The following SATB2 variants were observed in gnomAD, a reference collection of about 807,000 sequenced individuals.
The protein encoded by SATB2 is DNA-binding protein SATB2.
In SATB2, 1 loss-of-function variant was observed where a neutral mutation model predicts 73.4. That is an observed-to-expected ratio of 0.01 (90% CI 0.00 to 0.06). The LOEUF (loss-of-function observed/expected upper bound fraction) is 0.06. Ranked by LOEUF, SATB2 falls within the 10% of genes least tolerant of loss-of-function variation. The probability of loss-of-function intolerance (pLI) is 1.00; values close to 1 mark genes in which losing one functional copy is unlikely to be tolerated. For synonymous variants in SATB2, 397 were observed against 367.0 expected (o/e 1.08, Z -0.93); for missense variants, 459 against 945.8 (o/e 0.49, Z 6.75).
chr2:199,327,396 ACAC>A (rs1483379107), intron 8 of SATB2, among the ~76,000 whole-genome samples: 3 of 152,150 alleles, frequency 2.0e-5, no homozygotes, highest in Non-Finnish European at 4.4e-5. Context: ...AGCCATGATC[ACAC>A]CACTGCACTC....
At chr2:199,321,082 A>AAAG (rs5837674) in intron 9 of SATB2, among the ~76,000 whole-genome samples, 143,311 of 151,874 alleles carry the variant, frequency 0.94, 68,190 homozygotes, top group East Asian at 1. Flanking sequence ...AAGAAAAATA[A>AAAG]AAGGAGGGAA....
intron 3 of SATB2, among the ~76,000 whole-genome samples, chr2:199,422,570 T>C (rs1287945565): frequency 1.3e-5 from 2 of 152,182 alleles, no homozygotes; most frequent in African/African-American, 2.4e-5. Flanking sequence ...AAGGTATAAT[T>C]ACTATTCACT....
intron 3 of SATB2, among the ~76,000 whole-genome samples, chr2:199,418,054 TAAC>T (rs1559042592): frequency 6.6e-6 from 1 of 152,112 alleles, no homozygotes; most frequent in African/African-American, 2.4e-5. Flanking sequence ...AAAGTAATAA[TAAC>T]AACAACTGGA....
chr2:199,416,483 T>C (rs1426484465), intron 3 of SATB2, among the ~76,000 whole-genome samples: 1 of 151,934 alleles, frequency 6.6e-6, no homozygotes, highest in Non-Finnish European at 1.5e-5. Context: ...AGGAGAGAGG[T>C]CTTCTTCAAA....
chr2:199,349,101 A>G lies in SATB2; in HGVS notation c.773T>C (p.Met258Thr). The stretch of plus-strand genomic sequence containing the variant: ...TTTCCCCAGGGATGCCAGCTGGTTC[A>G]TATTTGGTAAATGCATTGGACGCTG... ...LGQRPMHLPNMNQLASLGKTN... is the reference protein window; with the variant it reads ...LGQRPMHLPNTNQLASLGKTN... Residue 258 changes from methionine (M) to threonine (T), a missense_variant, in exon 7 of 11, where the codon ATG becomes ACG. This residue lies in a region of SATB2 where 77 missense variants were observed against 90.4 expected (regional missense o/e 0.85). Coordinates refer to ENST00000417098, the MANE Select transcript of SATB2 (RefSeq NM_001172509.2). The G allele has an allele frequency of 1.2e-6, 2 of 1,614,052 alleles. No homozygotes were observed. The highest frequency in any genetic ancestry group is 1.1e-5 in the South Asian group (1 of 91,068).
At chr2:199,411,264 A>C (rs1690807233) in intron 3 of SATB2, among the ~76,000 whole-genome samples, 1 of 152,104 alleles carries the variant, frequency 6.6e-6, no homozygotes, top group Non-Finnish European at 1.5e-5. Context: ...ACTCTCACTT[A>C]AAACTTAACT....
At chr2:199,406,815 G>C (rs1198343169) in intron 3 of SATB2, among the ~76,000 whole-genome samples, 2 of 152,058 alleles carry the variant, frequency 1.3e-5, no homozygotes, top group Non-Finnish European at 2.9e-5. Context: ...ATCATGTTAG[G>C]GGAGATGATT....
chr2:199,397,221 G>A (rs977078937), intron 3 of SATB2, among the ~76,000 whole-genome samples: 1 of 152,210 alleles, frequency 6.6e-6, no homozygotes, highest in African/African-American at 2.4e-5. Context: ...AAAGGCTGCA[G>A]CTAGCAGAGA....
chr2:199,312,846 C>A (rs543374701), intron 9 of SATB2, among the ~76,000 whole-genome samples: 5 of 152,226 alleles, frequency 3.3e-5, no homozygotes, highest in Non-Finnish European at 5.9e-5. Flanking sequence ...AAATGCATAA[C>A]CTCAGTCGAA....
intron 6 of SATB2, among the ~76,000 whole-genome samples, chr2:199,354,298 G>A (rs1028135530): frequency 6.6e-6 from 1 of 152,198 alleles, no homozygotes; most frequent in Non-Finnish European, 1.5e-5. Context: ...AGAGGTTGCA[G>A]TGAGTCGAGA....
In SATB2 at chr2:199,455,154, G is replaced by A. The variant is rs926359244; in HGVS notation, c.169+715C>T. On this transcript the variant is annotated intron_variant, in intron 2 of 10. Transcript: ENST00000417098. This position sits in a 1 kb window ranked among gnomAD's most constrained non-coding sequence, Gnocchi z 4.1. ...ACTTTAAAAGAAAGTAGTTGCTTAA[G>A]TAGTAAAAACTACAAAAGATTTTCT... 6.6e-6 allele frequency among the ~76,000 whole-genome samples: 1 copy of A among 152,162 alleles called. No individual in the cohort carries two copies. The highest frequency in any genetic ancestry group is 1.5e-5 in the Non-Finnish European group (1 of 68,020).
intron 2 of SATB2, among the ~76,000 whole-genome samples, chr2:199,445,547 T>C (rs1392397100): frequency 5.3e-5 from 8 of 152,190 alleles, no homozygotes. Flanking sequence ...AGTTTATAAG[T>C]TAGCTGTAAA....
upstream of SATB2, chr2:199,458,645 G>A: frequency 2.3e-6 from 1 of 439,904 alleles, no homozygotes; most frequent in South Asian, 1.6e-5. Flanking sequence ...TCTGCCGGCG[G>A]AGACGCAGAC....
At chr2:199,422,921 T>G (rs1249552769) in intron 3 of SATB2, among the ~76,000 whole-genome samples, 1 of 152,240 alleles carries the variant, frequency 6.6e-6, no homozygotes, top group Non-Finnish European at 1.5e-5. Context: ...ATAAGCTAAT[T>G]GTAACAATGT....
At chr2:199,370,687 A>C (rs2105852460) in intron 5 of SATB2, among the ~76,000 whole-genome samples, 1 of 151,546 alleles carries the variant, frequency 6.6e-6, no homozygotes, top group African/African-American at 2.4e-5. Flanking sequence ...AATTCCCCTC[A>C]CTCTCTACCC....
intron 6 of SATB2, among the ~76,000 whole-genome samples, chr2:199,359,935 A>G (rs568979268): frequency 1.3e-5 from 2 of 152,142 alleles, no homozygotes; most frequent in Non-Finnish European, 2.9e-5. Context: ...AATTCTCACA[A>G]ATGGTGGAAT....
chr2:199,337,055 T>C (rs928948265), intron 7 of SATB2, among the ~76,000 whole-genome samples: 1 of 152,160 alleles, frequency 6.6e-6, no homozygotes, highest in African/African-American at 2.4e-5. Context: ...GATGAATAAA[T>C]ACATAAACAT....
intron 3 of SATB2, among the ~76,000 whole-genome samples, chr2:199,423,263 A>C (rs1470082547): frequency 6.6e-6 from 1 of 152,104 alleles, no homozygotes; most frequent in Non-Finnish European, 1.5e-5. Context: ...CAGAGACATT[A>C]TGTATTTGGT....
At chr2:199,407,424 G>C (rs1164514810) in intron 3 of SATB2, among the ~76,000 whole-genome samples, 3 of 152,144 alleles carry the variant, frequency 2.0e-5, no homozygotes, top group South Asian at 4.2e-4. Context: ...ATTAAGACTA[G>C]GTAACTATTG....
Sources: gnomAD v4.1 joint callset for allele counts (sites outside exome capture counted in the v4.1 genomes callset) on GRCh38, gnomAD v4.1.1 for gene constraint, gnomAD v4.1.1 regional missense constraint, Gnocchi (gnomAD v3.1) non-coding constraint, MANE v1.5 for transcripts, NCBI Gene and HGNC (gene_info 2026-07-23, HGNC 2026-07-21) for gene names.